The following SKIC3 variants were observed in gnomAD, a reference collection of about 807,000 sequenced individuals.
The protein encoded by SKIC3 is superkiller complex protein 3.
At chr5:95,476,233 T>G in the SKIC3 span, among the ~76,000 whole-genome samples, 1 of 152,170 alleles carries the variant, frequency 6.6e-6, no homozygotes, top group Non-Finnish European at 1.5e-5. Flanking sequence ...TCTGTACTCC[T>G]GAGTTGAATG....
chr5:95,524,586 T>C, the SKIC3 span: 7 of 1,613,468 alleles, frequency 4.3e-6, no homozygotes, highest in Middle Eastern at 1.7e-4. Context: ...AAGAGCTCTC[T>C]GAAAACTAAG....
the SKIC3 span, among the ~76,000 whole-genome samples, chr5:95,479,272 C>A: frequency 2.0e-5 from 3 of 152,070 alleles, no homozygotes; most frequent in Non-Finnish European, 4.4e-5. Context: ...GTATAAAAGA[C>A]CTCTAGGTTG....
chr5:95,515,985 TACTA>T, the SKIC3 span, among the ~76,000 whole-genome samples: 13 of 151,996 alleles, frequency 8.6e-5, no homozygotes, highest in East Asian at 1.9e-4. Context: ...TGCTAGAGAG[TACTA>T]ACTGTCTCCC....
chr5:95,546,871 AGAAAGT>A, the SKIC3 span: 9 of 597,840 alleles, frequency 1.5e-5, no homozygotes, highest in East Asian at 2.6e-4. Context: ...ACCAATACAG[AGAAAGT>A]TAAGTTTGGC....
chr5:95,522,242 T>A, the SKIC3 span: 2 of 1,613,824 alleles, frequency 1.2e-6, no homozygotes, highest in Non-Finnish European at 1.7e-6. Flanking sequence ...TCTGCTTAAG[T>A]ATGCTTCTCC....
At chr5:95,481,340 T>A in the SKIC3 span, among the ~76,000 whole-genome samples, 1 of 152,046 alleles carries the variant, frequency 6.6e-6, no homozygotes, top group Non-Finnish European at 1.5e-5. Context: ...AAGGGGAGTT[T>A]CCCTGCACAA....
chr5:95,532,107 C>T, the SKIC3 span, among the ~76,000 whole-genome samples: 2 of 152,102 alleles, frequency 1.3e-5, no homozygotes, highest in African/African-American at 2.4e-5. Context: ...TGACAGACTA[C>T]CTTGACTACA....
the SKIC3 span, chr5:95,554,930 AC>A: frequency 9.3e-6 from 2 of 215,748 alleles, no homozygotes; most frequent in Non-Finnish European, 1.9e-5. Context: ...AGAAATCCAA[AC>A]CCACCTGGAG....
chr5:95,512,191 T>G, the SKIC3 span, among the ~76,000 whole-genome samples: 1 of 152,152 alleles, frequency 6.6e-6, no homozygotes, highest in East Asian at 1.9e-4. Context: ...GCAGCAACTG[T>G]TCTAGTGTAT....
At chr5:95,511,815 G>A in the SKIC3 span, among the ~76,000 whole-genome samples, 30 of 152,254 alleles carry the variant, frequency 2.0e-4, no homozygotes, top group African/African-American at 7.2e-4. Flanking sequence ...CTTTCCTGTT[G>A]AGAATTTTGG....
the SKIC3 span, among the ~76,000 whole-genome samples, chr5:95,470,583 C>A: frequency 1.3e-5 from 2 of 151,938 alleles, no homozygotes; most frequent in African/African-American, 4.8e-5. Context: ...ATATAGAGTT[C>A]TACATTTCAA....
chr5:95,536,822 T>G, the SKIC3 span: 1 of 1,610,954 alleles, frequency 6.2e-7, no homozygotes, highest in Admixed American at 1.7e-5. Flanking sequence ...ATTACCTGAT[T>G]CAATTAAATG....
chr5:95,484,078 G>A, the SKIC3 span, among the ~76,000 whole-genome samples: 1 of 152,126 alleles, frequency 6.6e-6, no homozygotes, highest in Non-Finnish European at 1.5e-5. Context: ...TCAGACAAAT[G>A]TGAGTTCAAA....
chr5:95,537,277 G>A, the SKIC3 span: 21 of 797,328 alleles, frequency 2.6e-5, no homozygotes, highest in African/African-American at 1.9e-4. Context: ...CAACTTCAAC[G>A]AGGAAAAAAA....
chr5:95,547,401 T>A, the SKIC3 span, among the ~76,000 whole-genome samples: 3 of 152,126 alleles, frequency 2.0e-5, no homozygotes, highest in Non-Finnish European at 4.4e-5. Flanking sequence ...CCCCCTACTC[T>A]CAACAACCCA....
At chr5:95,476,343 T>C in the SKIC3 span, among the ~76,000 whole-genome samples, 1 of 152,168 alleles carries the variant, frequency 6.6e-6, no homozygotes. Context: ...TGATCTGATA[T>C]CTCACTTTGG....
At chr5:95,484,627 G>A in the SKIC3 span, 6 of 1,547,468 alleles carry the variant, frequency 3.9e-6, no homozygotes, top group African/African-American at 8.2e-5. Context: ...GAATACAGGA[G>A]TGAGCCACCG....
the SKIC3 span, among the ~76,000 whole-genome samples, chr5:95,519,513 C>T: frequency 4.0e-5 from 6 of 151,680 alleles, no homozygotes; most frequent in African/African-American, 1.5e-4. Context: ...GTTCCTTTGC[C>T]TAAATATCTT....
chr5:95,494,953 G>C, the SKIC3 span: 1 of 1,613,116 alleles, frequency 6.2e-7, no homozygotes, highest in Non-Finnish European at 8.5e-7. Context: ...TTTGTACTAG[G>C]ACAAACTAAC....
Sources: gnomAD v4.1 joint callset for allele counts (sites outside exome capture counted in the v4.1 genomes callset) on GRCh38, gnomAD v4.1.1 for gene constraint, MANE v1.5 for transcripts, NCBI Gene and HGNC (gene_info 2026-07-23, HGNC 2026-07-21) for gene names.